The following TBCD variants were observed in gnomAD, a reference collection of about 807,000 sequenced individuals.
TBCD encodes tubulin-specific chaperone D.
In TBCD, 105 loss-of-function variants were observed where a neutral mutation model predicts 169.3. The ratio of observed to expected loss-of-function variants is 0.62; its 90% CI spans 0.53 to 0.73. TBCD has a LOEUF of 0.73. Ranked by LOEUF, TBCD falls within the 30% of genes least tolerant of loss-of-function variation. The probability of loss-of-function intolerance (pLI) is 0.00; values close to 1 mark genes in which losing one functional copy is unlikely to be tolerated. For synonymous variants in TBCD, 700 were observed against 643.9 expected, an observed-to-expected ratio of 1.09 and a Z score of -1.32; for missense variants, 1,444 against 1,600.1, an observed-to-expected ratio of 0.90 and a Z score of 1.66.
At position 82,939,381 on chromosome 17, in the gene TBCD, G is replaced by A. The variant is rs186706207; in HGVS notation, c.3384G>A (p.Thr1128=). The A allele has an allele frequency of 3.7e-6, 6 of 1,612,308 alleles. No homozygotes were observed. Among genetic ancestry groups the A allele is most frequent in the Middle Eastern group, 1.7e-4 (1 of 6,060 alleles). The stretch of plus-strand genomic sequence containing the variant: ...CCCTGTCCCAGATCCGGAAGACCAC[G>A]GCCAGCCAGGTGTACGAGACATTGC... The part of the protein sequence containing the change: ...CHRFPLIRKT[T]ASQVYETLLT... Residue 1128 remains threonine, a synonymous_variant, in exon 37 of 39, where the codon ACG becomes ACA. Coordinates refer to ENST00000355528, the MANE Select transcript of TBCD (RefSeq NM_005993.5).
chr17:82,865,524 G>A (rs1013330685), intron 13 of TBCD: 8 of 985,358 alleles, frequency 8.1e-6, no homozygotes, highest in African/African-American at 1.7e-5. Flanking sequence ...GGTGTGGCGG[G>A]CTGTCTGTGC....
chr17:82,899,303 C>A (rs375678553), intron 17 of TBCD, among the ~76,000 whole-genome samples: 3 of 149,700 alleles, frequency 2.0e-5, no homozygotes, highest in Admixed American at 1.3e-4. Context: ...GTGTGTCCTC[C>A]GCTCACGTGT....
At chr17:82,840,090 C>T (rs1415612057) in intron 13 of TBCD, 1 of 152,156 alleles carries the variant, frequency 6.6e-6, no homozygotes, top group Non-Finnish European at 1.5e-5. Context: ...AGAGATGCAC[C>T]TGATATTCCT....
intron 13 of TBCD, among the ~76,000 whole-genome samples, chr17:82,840,839 G>A (rs1464532561): frequency 5.9e-5 from 9 of 152,164 alleles, no homozygotes; most frequent in African/African-American, 2.2e-4. Flanking sequence ...TCGGTTTGAG[G>A]ACTGGGAAAG....
intron 34 of TBCD, among the ~76,000 whole-genome samples, chr17:82,933,040 T>C (rs1366395484): frequency 7.1e-6 from 1 of 140,768 alleles, no homozygotes; most frequent in African/African-American, 2.8e-5. Context: ...GGCCTCAGGG[T>C]TGTGCTGGGA....
At position 82,858,168 on chromosome 17, in the gene TBCD, C is replaced by T. The variant is rs140365147; in HGVS notation, c.1319-12056C>T. ...GGCTCAAGTGATCCTCCCGCCTCAG[C>T]CTCCCTAAATGCTGGGATTACGAAC... On this transcript the variant is annotated intron_variant, in intron 13 of 38. Coordinates refer to ENST00000355528, the MANE Select transcript of TBCD (RefSeq NM_005993.5). Among the ~76,000 whole-genome samples the T allele has an allele frequency of 5.8e-3, 877 of 152,250 alleles. 2 individuals are homozygous for T. Among genetic ancestry groups the T allele is most frequent in the Middle Eastern group, 0.01 (3 of 294 alleles).
At position 82,772,020 on chromosome 17, in the gene TBCD, G is replaced by C. The variant is rs142630584; in HGVS notation, c.583-432G>C. ...AATTAAAAATAACTAGGTATTTGTAGTAAATCTAGGTGCTCTTCAGTTTGA... is the reference window on the plus strand; with the variant it reads ...AATTAAAAATAACTAGGTATTTGTACTAAATCTAGGTGCTCTTCAGTTTGA... On this transcript the variant is annotated intron_variant, in intron 5 of 38. Coordinates refer to ENST00000355528, the MANE Select transcript of TBCD (RefSeq NM_005993.5). Among the ~76,000 whole-genome samples, 44 of 152,272 alleles carry C rather than the reference G, an allele frequency of 2.9e-4. No individual in the cohort carries two copies. The East Asian group carries it at 3.9e-3, about 13-fold the overall frequency.
At chr17:82,775,023 G>A (rs2048500415) in intron 6 of TBCD, among the ~76,000 whole-genome samples, 2 of 152,240 alleles carry the variant, frequency 1.3e-5, no homozygotes, top group South Asian at 4.1e-4. Context: ...GCCGAGCTTG[G>A]CTCTGTGGAG....
In TBCD at chr17:82,927,321, C is replaced by G. The variant is rs371359375; in HGVS notation, c.2607C>G (p.Thr869=). 6.2e-6 allele frequency: 10 copies of G among 1,613,720 alleles called. No homozygotes were observed. The African/African-American group carries it at 1.2e-4, about 19-fold the overall frequency. The change falls in exon 29 of 39, where the codon ACC becomes ACG. Residue 869 remains threonine, a splice_region_variant and synonymous_variant. Transcript: ENST00000355528. ...YTTDSRGDVG[T]WVRKAAMTSL... is the part of the protein sequence containing the mutation. ...CGGACAGCAGAGGGGACGTGGGCAC[C>G]TGGTACGTACGTAGCAGTGGGTGAG...
At chr17:82,764,686 C>G (rs1350285989) in intron 3 of TBCD, among the ~76,000 whole-genome samples, 3 of 152,248 alleles carry the variant, frequency 2.0e-5, no homozygotes, top group Non-Finnish European at 4.4e-5. Flanking sequence ...GATGAATTTC[C>G]TGGGAATTTT....
chr17:82,940,207 TCACTTGCA>T (rs1183387354), intron 37 of TBCD, among the ~76,000 whole-genome samples: 192 of 76,944 alleles, frequency 2.5e-3, no homozygotes, highest in Non-Finnish European at 3.0e-3. Flanking sequence ...ACACACATGC[TCACTTGCA>T]CGCGCGCACA....
intron 17 of TBCD, among the ~76,000 whole-genome samples, chr17:82,899,818 A>G (rs139611787): frequency 2.2e-4 from 33 of 152,308 alleles, no homozygotes; most frequent in Non-Finnish European, 3.5e-4. Context: ...AAATTTACCC[A>G]TTCGAGTGGG....
intron 15 of TBCD, among the ~76,000 whole-genome samples, chr17:82,887,846 G>C (rs771518488): frequency 1.3e-5 from 2 of 152,144 alleles, no homozygotes; most frequent in Non-Finnish European, 2.9e-5. Context: ...ATGCCTGATG[G>C]TGTGGAGCAT....
At chr17:82,898,475 T>C (rs1325665052) in intron 17 of TBCD, among the ~76,000 whole-genome samples, 1 of 151,968 alleles carries the variant, frequency 6.6e-6, no homozygotes, top group East Asian at 2.0e-4. Context: ...TCTTTTCCTA[T>C]GTGCAGGAGG....
At chr17:82,838,754 T>G (rs1249349980) in intron 13 of TBCD, 1 of 985,268 alleles carries the variant, frequency 1.0e-6, no homozygotes, top group East Asian at 1.1e-4. Flanking sequence ...GGGAATGTAA[T>G]TTGGAAGAAT....
chr17:82,894,756 C>T (rs548085892), intron 17 of TBCD, among the ~76,000 whole-genome samples: 3 of 152,312 alleles, frequency 2.0e-5, no homozygotes, highest in South Asian at 2.1e-4. Flanking sequence ...GAGGCCAAGA[C>T]GGGCAGATCA....
At chr17:82,836,448 C>A (rs973941237) in intron 13 of TBCD, among the ~76,000 whole-genome samples, 1 of 152,214 alleles carries the variant, frequency 6.6e-6, no homozygotes, top group Non-Finnish European at 1.5e-5. Flanking sequence ...TGCGTCCTCG[C>A]GAGACCGAAA....
intron 12 of TBCD, among the ~76,000 whole-genome samples, chr17:82,812,105 G>A (rs945649798): frequency 6.6e-6 from 1 of 152,086 alleles, no homozygotes; most frequent in Non-Finnish European, 1.5e-5. Flanking sequence ...CTGGACCTAG[G>A]AAGTAGCGCC....
rs2061483146 is a variant in TBCD, at chr17:82,922,553, C to G, written c.2178+976C>G. On this transcript the variant is annotated intron_variant, in intron 25 of 38. Transcript: ENST00000355528. This position sits in a 1 kb window ranked among gnomAD's most constrained non-coding sequence, Gnocchi z 4.1. ...TTTTTTCTTAAGGAACTTGAACATT[C>G]TGTAGGATCCAAGTACCGTTCTACT... Among the ~76,000 whole-genome samples the G allele has an allele frequency of 6.6e-6, 1 of 151,910 alleles. No homozygotes were observed. The highest frequency in any genetic ancestry group is 1.5e-5 in the Non-Finnish European group (1 of 68,018).
Sources: gnomAD v4.1 joint callset for allele counts (sites outside exome capture counted in the v4.1 genomes callset) on GRCh38, gnomAD v4.1.1 for gene constraint, Gnocchi (gnomAD v3.1) non-coding constraint, MANE v1.5 for transcripts, NCBI Gene and HGNC (gene_info 2026-07-23, HGNC 2026-07-21) for gene names.